Variants in GRIK5 observed in about 807,000 individuals in gnomAD.
The protein encoded by GRIK5 is glutamate ionotropic receptor kainate type subunit 5.
Under a neutral mutation model 97.4 loss-of-function variants are expected in GRIK5, and 43 were observed. That is an observed-to-expected ratio of 0.44 (90% CI 0.35 to 0.57). GRIK5 has a LOEUF of 0.57. GRIK5 is among the 20% of genes least tolerant of loss of function. The pLI is 0.01. For synonymous variants in GRIK5, 580 were observed against 583.5 expected, an observed-to-expected ratio of 0.99 and a Z score of 0.09; for missense variants, 1,015 against 1,382.0, an observed-to-expected ratio of 0.73 and a Z score of 4.21.
At chr19:42,050,087 G>A (rs1036112706) in intron 11 of GRIK5, among the ~76,000 whole-genome samples, 3 of 151,836 alleles carry the variant, frequency 2.0e-5, no homozygotes, top group Non-Finnish European at 4.4e-5. Context: ...ACACCACCAC[G>A]CCCAGCTAAT....
At chr19:42,061,286 C>T (rs1034129202) in intron 5 of GRIK5, among the ~76,000 whole-genome samples, 1 of 152,212 alleles carries the variant, frequency 6.6e-6, no homozygotes, top group Admixed American at 6.5e-5. Flanking sequence ...CCTCATGATT[C>T]GCCCGCCTCG....
At chr19:42,068,804 G>C in intron 1 of GRIK5, 2 of 598,908 alleles carry the variant, frequency 3.3e-6, no homozygotes, top group Non-Finnish European at 6.1e-6. Flanking sequence ...GCTCAAAAGC[G>C]GAAAGACATA....
At chr19:42,017,523 T>C (rs1402399512) in intron 15 of GRIK5, among the ~76,000 whole-genome samples, 1 of 152,198 alleles carries the variant, frequency 6.6e-6, no homozygotes, top group Non-Finnish European at 1.5e-5. Flanking sequence ...CTGCAAGCAC[T>C]GAAAACTCAC....
At chr19:42,027,005 C>G (rs1568899654) in intron 12 of GRIK5, among the ~76,000 whole-genome samples, 1 of 152,104 alleles carries the variant, frequency 6.6e-6, no homozygotes, top group African/African-American at 2.4e-5. Flanking sequence ...CAAAACGTCC[C>G]GCACCATCCA....
intron 1 of GRIK5, chr19:42,068,829 A>G: frequency 1.5e-6 from 1 of 658,812 alleles, no homozygotes; most frequent in Non-Finnish European, 2.8e-6. Context: ...GGAGATAGAG[A>G]CTGGACGGGG....
intron 6 of GRIK5, among the ~76,000 whole-genome samples, chr19:42,057,248 G>GGA (rs2076198997): frequency 6.6e-6 from 1 of 152,152 alleles, no homozygotes; most frequent in Non-Finnish European, 1.5e-5. Flanking sequence ...TTTTGCTAGA[G>GGA]GAGATTTTGC....
At position 42,052,298 on chromosome 19, in the gene GRIK5, C is replaced by T. The variant is rs979470687; in HGVS notation, c.1269+1304G>A. Reference sequence around the variant, plus strand: ...TTTGCACCCTGTTCCCCACCAAGGCCCCCAACTCTTCTGCCTCCAGGAGGC... The same window carrying T: ...TTTGCACCCTGTTCCCCACCAAGGCTCCCAACTCTTCTGCCTCCAGGAGGC... On this transcript the variant is annotated intron_variant, in intron 11 of 19. Transcript: ENST00000593562. 9.9e-5 allele frequency among the ~76,000 whole-genome samples: 15 copies of T among 151,626 alleles called. 2 individuals carry two copies. Among genetic ancestry groups the T allele is most frequent in the African/African-American group, 3.4e-4 (14 of 41,336 alleles).
At chr19:42,050,558 T>G (rs1436749452) in intron 11 of GRIK5, among the ~76,000 whole-genome samples, 1 of 149,088 alleles carries the variant, frequency 6.7e-6, no homozygotes, top group Non-Finnish European at 1.5e-5. Context: ...CTCGGGACAC[T>G]GAGGCAGAAG....
chr19:42,054,403 G>T lies in GRIK5; in HGVS notation c.973C>A (p.Gln325Lys). ...VSAVRELNRS[Q>K]EIGVKPLACT... ...GCCAGAGGCTTCACACCGATCTCCTGGCTGCGGTTCAGCTCTCGGACAGCG... is the reference window on the plus strand; with the variant it reads ...GCCAGAGGCTTCACACCGATCTCCTTGCTGCGGTTCAGCTCTCGGACAGCG... Residue 325 changes from glutamine (Q) to lysine (K), a missense_variant, in exon 9 of 20, where the codon CAG (glutamine) becomes AAG (lysine). Coordinates refer to ENST00000593562, the MANE Select transcript of GRIK5 (RefSeq NM_002088.5). 2 of 1,613,754 alleles carry T rather than the reference G, an allele frequency of 1.2e-6. No individual in the cohort carries two copies. The highest frequency in any genetic ancestry group is 8.5e-7 in the Non-Finnish European group (1 of 1,180,002).
At chr19:42,010,452 G>C (rs1484361896) in intron 15 of GRIK5, among the ~76,000 whole-genome samples, 2 of 152,194 alleles carry the variant, frequency 1.3e-5, no homozygotes, top group Non-Finnish European at 2.9e-5. Flanking sequence ...TACATTCAGA[G>C]AATCAAAGAT....
chr19:42,068,178 G>A (rs2076365924), intron 1 of GRIK5, among the ~76,000 whole-genome samples: 1 of 152,108 alleles, frequency 6.6e-6, no homozygotes. Context: ...GAAAGGGGGA[G>A]TCAGGGAGGG....
chr19:42,022,160 C>T lies in GRIK5; in HGVS notation c.1587+81G>A. The stretch of plus-strand genomic sequence containing the variant: ...GGAGCCTGACCGGCCCATCTGAGGT[C>T]CTGGGGCTGTCTGGCTCCCACTCGC... On this transcript the variant is annotated intron_variant, in intron 13 of 19. Coordinates refer to ENST00000593562, the MANE Select transcript of GRIK5 (RefSeq NM_002088.5). The surrounding 1 kb of genome is among the most constrained non-coding windows in gnomAD (Gnocchi z 4.2). The T allele has an allele frequency of 2.8e-6, 4 of 1,414,452 alleles. No homozygotes were observed. In the South Asian group the frequency reaches 3.5e-5, roughly 12 times the overall value. The allele number at this position is 1,414,452 out of a possible 1,614,324, so 87.6% of individuals were successfully genotyped here.
In GRIK5 at chr19:42,069,824, C is replaced by T. The variant is rs981627057; in HGVS notation, c.-634G>A. On this transcript the variant is annotated 5_prime_UTR_variant, in exon 1 of 20. Coordinates refer to ENST00000593562, the MANE Select transcript of GRIK5 (RefSeq NM_002088.5). ...GGCCCGGAGTCCTCAAGCCCTCAGC[C>T]CCCACGGGAAAAGCATGCTGGGGGC... Among the ~76,000 whole-genome samples, 3 of 151,970 alleles carry T rather than the reference C, an allele frequency of 2.0e-5. No homozygotes were observed. Among genetic ancestry groups the T allele is most frequent in the Non-Finnish European group, 4.4e-5 (3 of 67,932 alleles).
At chr19:42,061,370 G>A (rs2076257600) in intron 5 of GRIK5, among the ~76,000 whole-genome samples, 1 of 151,962 alleles carries the variant, frequency 6.6e-6, no homozygotes, top group Admixed American at 6.6e-5. Flanking sequence ...TAAGAGATGG[G>A]ATCTCGCCAT....
At position 42,065,889 on chromosome 19, in the gene GRIK5, T is replaced by C; in HGVS notation, c.-50-69A>G. 1.3e-6 allele frequency: 1 copy of C among 762,386 alleles called. No individual in the cohort carries two copies. Among genetic ancestry groups the C allele is most frequent in the Non-Finnish European group, 2.2e-6 (1 of 456,596 alleles). The allele number at this position is 762,386 out of a possible 1,614,324, so 47.2% of individuals were successfully genotyped here. ...GGGATGGAACCCCTTGGAGGCCTGC[T>C]GGATGGGGTGGTCACAGAAGCCTTG... On this transcript the variant is annotated intron_variant, in intron 1 of 19. Transcript: ENST00000593562. The surrounding 1 kb of genome is among the most constrained non-coding windows in gnomAD (Gnocchi z 5.8).
At chr19:42,056,542 C>T (rs2146152465) in intron 8 of GRIK5, 120 bp downstream of exon 8, 6 of 794,676 alleles carry the variant, frequency 7.6e-6, no homozygotes, top group South Asian at 5.0e-5. Context: ...CAAGGCCACA[C>T]CACGAGGCCT....
At chr19:42,063,881 TGA>T (rs1368606397) in intron 3 of GRIK5, among the ~76,000 whole-genome samples, 1 of 152,212 alleles carries the variant, frequency 6.6e-6, no homozygotes, top group Non-Finnish European at 1.5e-5. Context: ...TAAACCAGGC[TGA>T]GTTTGGTTTC....
intron 12 of GRIK5, among the ~76,000 whole-genome samples, chr19:42,041,732 T>C (rs1321308024): frequency 3.9e-5 from 6 of 152,098 alleles, no homozygotes; most frequent in African/African-American, 1.2e-4. Context: ...TATCGCCCCA[T>C]CTTTGTAGAT....
chr19:42,026,401 G>A (rs979110692), intron 12 of GRIK5, among the ~76,000 whole-genome samples: 2 of 151,820 alleles, frequency 1.3e-5, no homozygotes, highest in Non-Finnish European at 2.9e-5. Context: ...GGGACTACAG[G>A]CAGATGCCAC....
Sources: allele counts gnomAD v4.1 joint callset (sites outside exome capture counted in the v4.1 genomes callset), GRCh38; gene constraint gnomAD v4.1.1; non-coding constraint Gnocchi (gnomAD v3.1); transcripts MANE v1.5; gene names NCBI Gene and HGNC (gene_info 2026-07-23, HGNC 2026-07-21).